WDR59: variants seen among roughly 807,000 people sequenced by gnomAD.
WDR59 encodes WD repeat domain 59, also known as GATOR2 complex protein WDR59.
WDR59 carries 100 observed loss-of-function variants against 131.2 expected under a neutral mutation model. The ratio of observed to expected loss-of-function variants is 0.76; its 90% CI spans 0.65 to 0.90. The LOEUF is 0.90. WDR59 is among the 40% of genes least tolerant of loss of function. The pLI is 0.00. For synonymous variants in WDR59, 601 were observed against 466.2 expected, an observed-to-expected ratio of 1.29 and a Z score of -3.72; for missense variants, 1,203 against 1,262.2, an observed-to-expected ratio of 0.95 and a Z score of 0.71.
At chr16:74,973,421 G>A (rs1357526385) in intron 1 of WDR59, among the ~76,000 whole-genome samples, 1 of 152,098 alleles carries the variant, frequency 6.6e-6, no homozygotes, top group Non-Finnish European at 1.5e-5. Context: ...TGAGTAAATG[G>A]TACCACAGGC....
chr16:74,885,777 A>G lies in WDR59; in HGVS notation c.2565T>C (p.Asn855=). The G allele has an allele frequency of 6.2e-7, 1 of 1,614,068 alleles. No individual in the cohort carries two copies. The highest frequency in any genetic ancestry group is 8.5e-7 in the Non-Finnish European group (1 of 1,179,998). Residue 855 remains asparagine (N), a synonymous_variant, in exon 25 of 26, where the codon AAT becomes AAC. Transcript: ENST00000262144. ...TCTTAAAGTCATCAAATTGCTGGGTATTGGCGGGGTCCAGGAGCCTGGATA... is the reference window on the plus strand; with the variant it reads ...TCTTAAAGTCATCAAATTGCTGGGTGTTGGCGGGGTCCAGGAGCCTGGATA... The part of the protein sequence containing the change: ...DKNKRLLDPA[N]TQQFDDFKKC...
At chr16:74,958,620 A>AAAAAAAAAAAAAAAC (rs1199806175) in intron 2 of WDR59, among the ~76,000 whole-genome samples, 3 of 141,048 alleles carry the variant, frequency 2.1e-5, no homozygotes, top group African/African-American at 5.3e-5. Flanking sequence ...AAAAAAAAAA[A>AAAAAAAAAAAAAAAC]CAAGCTAAAT....
intron 2 of WDR59, among the ~76,000 whole-genome samples, chr16:74,964,944 A>C (rs2033708305): frequency 6.6e-6 from 1 of 152,032 alleles, no homozygotes; most frequent in African/African-American, 2.4e-5. Context: ...CGTGCCTATA[A>C]TCCCAGCTAC....
chr16:74,974,671 C>A (rs1043746713), intron 1 of WDR59, among the ~76,000 whole-genome samples: 1 of 152,126 alleles, frequency 6.6e-6, no homozygotes, highest in South Asian at 2.1e-4. Flanking sequence ...ACGTAGTTTA[C>A]GCTGAGTGCC....
chr16:74,921,506 T>G (rs901946698), intron 10 of WDR59, among the ~76,000 whole-genome samples: 1 of 152,166 alleles, frequency 6.6e-6, no homozygotes, highest in African/African-American at 2.4e-5. Context: ...CTTTTTTTTT[T>G]TCTTTTTTGA....
At chr16:74,920,696 T>G (rs1010430944) in intron 10 of WDR59, among the ~76,000 whole-genome samples, 1 of 152,222 alleles carries the variant, frequency 6.6e-6, no homozygotes, top group Non-Finnish European at 1.5e-5. Context: ...TGGCCTAAAA[T>G]ACATTTTCTA....
intron 8 of WDR59, 79 bp from the exon 9 acceptor site, chr16:74,924,082 T>C (rs529630075): frequency 8.6e-5 from 119 of 1,386,402 alleles, no homozygotes; most frequent in Non-Finnish European, 1.2e-4. Flanking sequence ...GCCTTTGAAC[T>C]CATTGCTTCT....
chr16:74,923,405 G>A (rs2030449168), intron 9 of WDR59, among the ~76,000 whole-genome samples: 1 of 152,126 alleles, frequency 6.6e-6, no homozygotes, highest in Non-Finnish European at 1.5e-5. Context: ...ACATGGCCTA[G>A]CTTCTCTGTG....
chr16:74,945,676 C>G (rs1300332144), intron 6 of WDR59, among the ~76,000 whole-genome samples: 1 of 151,978 alleles, frequency 6.6e-6, no homozygotes, highest in Non-Finnish European at 1.5e-5. Flanking sequence ...CGCAGAAGCA[C>G]AGGGGTTTGA....
intron 8 of WDR59, among the ~76,000 whole-genome samples, chr16:74,928,839 G>A (rs1489100822): frequency 1.3e-5 from 2 of 152,094 alleles, no homozygotes; most frequent in African/African-American, 2.4e-5. Context: ...AACCCAGGAG[G>A]TGGAGGCTGC....
rs763969093 is a variant in WDR59, at chr16:74,922,046, G to C, written c.787C>G (p.Leu263Val). Residue 263 changes from leucine (L) to valine (V), a missense_variant, in exon 10 of 26, where the codon CTT (leucine) becomes GTT (valine). Physicochemically the swap from Leu to Val is conservative, Grantham distance 32. Transcript: ENST00000262144. ...AAGTCAAAGACATTCCACAGGAGAA[G>C]GCTGTTTTCCCTCCGCAGCTGGGGA... ...MVPQLRRENSLLLWNVFDLNT... is the reference protein window; with the variant it reads ...MVPQLRRENSVLLWNVFDLNT... 5.0e-6 allele frequency: 8 copies of C among 1,614,100 alleles called. No homozygotes were observed. Among genetic ancestry groups the C allele is most frequent in the Non-Finnish European group, 5.1e-6 (6 of 1,180,048 alleles).
intron 13 of WDR59, 111 bp from the exon 14 acceptor site, chr16:74,912,473 A>G: frequency 8.8e-7 from 1 of 1,136,304 alleles, no homozygotes; most frequent in Non-Finnish European, 1.2e-6. Flanking sequence ...GAAGGGAAAG[A>G]GTCTACAAAG....
chr16:74,927,316 C>T (rs530883038), intron 8 of WDR59, among the ~76,000 whole-genome samples: 6 of 152,052 alleles, frequency 3.9e-5, no homozygotes, highest in Non-Finnish European at 7.4e-5. Flanking sequence ...AAGCCAGGCA[C>T]GGTGGCTCAC....
intron 8 of WDR59, among the ~76,000 whole-genome samples, chr16:74,925,522 C>G (rs1388437821): frequency 8.4e-6 from 1 of 118,708 alleles, no homozygotes; most frequent in African/African-American, 3.1e-5. Flanking sequence ...CCAGCCTGGG[C>G]AACAGAACAA....
intron 20 of WDR59, among the ~76,000 whole-genome samples, chr16:74,892,013 T>A (rs1965068534): frequency 6.6e-6 from 1 of 152,164 alleles, no homozygotes; most frequent in African/African-American, 2.4e-5. Context: ...TTAAGCCGTT[T>A]AAAAAAATAC....
intron 17 of WDR59, among the ~76,000 whole-genome samples, chr16:74,908,266 A>G (rs1266628040): frequency 2.0e-5 from 3 of 152,076 alleles, no homozygotes; most frequent in Non-Finnish European, 4.4e-5. Context: ...AAAATTATAA[A>G]AATTAGCCAG....
intron 6 of WDR59, among the ~76,000 whole-genome samples, chr16:74,946,700 G>T (rs149215667): frequency 0.023 from 3,441 of 152,068 alleles, 125 homozygotes; most frequent in African/African-American, 0.078. Context: ...TCCAGCCTGG[G>T]TGACAGAGTG....
intron 3 of WDR59, among the ~76,000 whole-genome samples, chr16:74,952,873 T>A (rs2033082440): frequency 6.6e-6 from 1 of 151,928 alleles, no homozygotes; most frequent in Admixed American, 6.6e-5. Context: ...GTTTCCAAAT[T>A]GAAAAAGGTA....
At position 74,873,923 on chromosome 16, in the gene WDR59, T is replaced by C. The variant is rs753695560; in HGVS notation, c.*286A>G. On this transcript the variant is annotated 3_prime_UTR_variant, in exon 26 of 26. Transcript: ENST00000262144. ...CACTGGCCCTGGAGCCAGGTGCTTT[T>C]CTCCATGAAAACTTCCACCTTGGTA... The C allele has an allele frequency of 6.0e-4, 245 of 409,070 alleles. No homozygotes were observed. Among genetic ancestry groups the C allele is most frequent in the Middle Eastern group, 1.4e-3 (2 of 1,410 alleles). The allele number at this position is 409,070 out of a possible 1,614,324, so 25.3% of individuals were successfully genotyped here. A position where few individuals can be genotyped will look rare whatever the true frequency, so the allele number is the denominator to read the frequency against.
Sources: allele counts gnomAD v4.1 joint callset (sites outside exome capture counted in the v4.1 genomes callset), GRCh38; gene constraint gnomAD v4.1.1; transcripts MANE v1.5; gene names NCBI Gene and HGNC (gene_info 2026-07-23, HGNC 2026-07-21).